The following GOLGA1 variants were observed in gnomAD, a reference collection of about 807,000 sequenced individuals.
GOLGA1 encodes the protein golgin A1.
GOLGA1 carries 63 observed loss-of-function variants against 119.7 expected under a neutral mutation model. The observed-to-expected ratio is 0.53, with a 90% confidence interval of 0.43 to 0.65. GOLGA1 has a LOEUF of 0.65. GOLGA1 is among the 30% of genes least tolerant of loss of function. The probability of loss-of-function intolerance (pLI) is 0.00; values close to 1 mark genes in which losing one functional copy is unlikely to be tolerated. For missense variants in GOLGA1, 798 were observed against 912.8 expected, an observed-to-expected ratio of 0.87 and a Z score of 1.62; for synonymous variants, 318 against 333.4, an observed-to-expected ratio of 0.95 and a Z score of 0.50.
chr9:124,923,349 CTGGCCTTG>C (rs1830608460), intron 7 of GOLGA1, 126 bp from the exon 8 acceptor site: 1 of 731,312 alleles, frequency 1.4e-6, no homozygotes, highest in African/African-American at 1.8e-5. Flanking sequence ...GTTGCCCAGG[CTGGCCTTG>C]AACTCCTGGG....
intron 11 of GOLGA1, among the ~76,000 whole-genome samples, chr9:124,909,685 T>C (rs907642283): frequency 6.6e-6 from 1 of 151,922 alleles, no homozygotes; most frequent in Non-Finnish European, 1.5e-5. Context: ...TCTCAGCTAG[T>C]TGCACAGATT....
At chr9:124,926,278 T>A (rs1399811538) in intron 7 of GOLGA1, among the ~76,000 whole-genome samples, 1 of 152,136 alleles carries the variant, frequency 6.6e-6, no homozygotes, top group Non-Finnish European at 1.5e-5. Flanking sequence ...AAGGTCCAAC[T>A]GAAGCTGTGA....
chr9:124,891,039 C>A (rs1327420802), intron 15 of GOLGA1, among the ~76,000 whole-genome samples: 5 of 152,160 alleles, frequency 3.3e-5, no homozygotes, highest in African/African-American at 1.2e-4. Context: ...GCCTGTAGTG[C>A]CAGCTACTCA....
intron 3 of GOLGA1, among the ~76,000 whole-genome samples, chr9:124,935,109 A>G (rs754102863): frequency 2.0e-4 from 31 of 152,310 alleles, no homozygotes; most frequent in East Asian, 1.9e-4. Flanking sequence ...TTTGTCCCAG[A>G]AAGAAAGGCA....
At position 124,882,546 on chromosome 9, in the gene GOLGA1, C is replaced by T; in HGVS notation, c.1929G>A (p.Arg643=). 2 of 1,612,750 alleles carry T rather than the reference C, an allele frequency of 1.2e-6. No individual in the cohort carries two copies. The highest frequency in any genetic ancestry group is 1.7e-6 in the Non-Finnish European group (2 of 1,179,778). ...GCAGAGTCTTCCGGAGCTCCAGCATCCGCTGCTGCATCTGCTTTATGGTCT... is the reference window on the plus strand; with the variant it reads ...GCAGAGTCTTCCGGAGCTCCAGCATTCGCTGCTGCATCTGCTTTATGGTCT... ...KNKTIKQMQQ[R]MLELRKTLQK... The change falls in exon 20 of 23, where the codon CGG becomes CGA. Residue 643 remains arginine (R), a synonymous_variant. Transcript: ENST00000373555.
rs1326692873 is a variant in GOLGA1, at chr9:124,881,034, C to T, written c.2223+137G>A. 5.9e-6 allele frequency: 4 copies of T among 676,798 alleles called. No homozygotes were observed. The highest frequency in any genetic ancestry group is 5.2e-5 in the South Asian group (3 of 57,354). The allele number at this position is 676,798 out of a possible 1,614,324, so 41.9% of individuals were successfully genotyped here. Reference sequence around the variant, plus strand: ...TAAAAAGTGCTTGGATCAAGTTCATCCAAAAGCAGCCAAGCTGATCATGCA... The same window carrying T: ...TAAAAAGTGCTTGGATCAAGTTCATTCAAAAGCAGCCAAGCTGATCATGCA... On this transcript the variant is annotated intron_variant, in intron 22 of 22. Transcript: ENST00000373555. This position sits in a 1 kb window ranked among gnomAD's most constrained non-coding sequence, Gnocchi z 4.9.
intron 17 of GOLGA1, 52 bp from the exon 18 acceptor site, chr9:124,889,355 G>C: frequency 6.2e-7 from 1 of 1,600,444 alleles, no homozygotes; most frequent in Non-Finnish European, 8.6e-7. Context: ...ACTCCATGCT[G>C]CTTGGTGGCA....
intron 15 of GOLGA1, among the ~76,000 whole-genome samples, chr9:124,890,854 G>A (rs1263756133): frequency 6.6e-6 from 1 of 151,792 alleles, no homozygotes; most frequent in African/African-American, 2.4e-5. Flanking sequence ...AATTGGTTAT[G>A]GAAAGAAGAA....
intron 19 of GOLGA1, among the ~76,000 whole-genome samples, chr9:124,886,248 G>A (rs535798318): frequency 6.6e-5 from 10 of 152,334 alleles, no homozygotes; most frequent in African/African-American, 2.2e-4. Context: ...GGCTGAGATC[G>A]CAGAGGAGGG....
chr9:124,908,569 A>G, intron 11 of GOLGA1, 97 bp from the exon 12 acceptor site: 2 of 745,306 alleles, frequency 2.7e-6, no homozygotes, highest in Non-Finnish European at 4.9e-6. Context: ...TGCTAGGCAC[A>G]AGAGACATGA....
chr9:124,931,595 AGAG>A (rs1194562696), intron 3 of GOLGA1, among the ~76,000 whole-genome samples, 189 bp from the exon 4 acceptor site: 1 of 152,320 alleles, frequency 6.6e-6, no homozygotes, highest in East Asian at 1.9e-4. Context: ...AGTGAAGGAG[AGAG>A]GAGATGCTAA....
intron 15 of GOLGA1, among the ~76,000 whole-genome samples, chr9:124,891,179 G>C (rs1159802439): frequency 1.3e-5 from 2 of 152,224 alleles, no homozygotes; most frequent in African/African-American, 4.8e-5. Flanking sequence ...TCCAAAGTCT[G>C]CCCTAGCGCC....
chr9:124,892,334 C>T (rs1189248729), intron 15 of GOLGA1, among the ~76,000 whole-genome samples: 1 of 152,154 alleles, frequency 6.6e-6, no homozygotes, highest in African/African-American at 2.4e-5. Context: ...CTTCTTCTGA[C>T]TTTTTGAGAT....
intron 11 of GOLGA1, among the ~76,000 whole-genome samples, chr9:124,909,499 T>C (rs1830298377): frequency 6.6e-6 from 1 of 150,566 alleles, no homozygotes; most frequent in South Asian, 2.1e-4. Flanking sequence ...TCCCAGCTAC[T>C]CGGGATGCTG....
rs568962018 is a variant in GOLGA1, at chr9:124,912,993, G to C, written c.844-967C>G. On this transcript the variant is annotated intron_variant, in intron 10 of 22. Transcript: ENST00000373555. Reference sequence around the variant, plus strand: ...ACCTGAGACTGAGTAATTTATAAAGGAAAGAGATTTAATTGACTCACAGTT... The same window carrying C: ...ACCTGAGACTGAGTAATTTATAAAGCAAAGAGATTTAATTGACTCACAGTT... Among the ~76,000 whole-genome samples, 5 of 152,302 alleles carry C rather than the reference G, an allele frequency of 3.3e-5. 1 individual carries two copies. Among genetic ancestry groups the C allele is most frequent in the African/African-American group, 1.2e-4 (5 of 41,568 alleles).
intron 12 of GOLGA1, among the ~76,000 whole-genome samples, chr9:124,901,419 C>T (rs827428): frequency 0.37 from 54,978 of 149,628 alleles, 10,767 homozygotes; most frequent in East Asian, 0.56. Flanking sequence ...TACAAGCGCA[C>T]GCCACCACGC....
At chr9:124,939,142 GTTTTT>G (rs78434694) in intron 2 of GOLGA1, among the ~76,000 whole-genome samples, 10 of 145,278 alleles carry the variant, frequency 6.9e-5, no homozygotes, top group African/African-American at 2.3e-4. Flanking sequence ...AAATCTCTAC[GTTTTT>G]TTTTTTTAAT....
chr9:124,923,781 G>A (rs77684042), intron 7 of GOLGA1, among the ~76,000 whole-genome samples: 5,609 of 152,034 alleles, frequency 0.037, 355 homozygotes, highest in African/African-American at 0.13. Context: ...ATCGTGCATG[G>A]CCTATGTAGA....
chr9:124,896,527 T>C (rs1829990290), intron 15 of GOLGA1, among the ~76,000 whole-genome samples: 1 of 152,266 alleles, frequency 6.6e-6, no homozygotes, highest in South Asian at 2.1e-4. Flanking sequence ...CCTAGATTCC[T>C]AAAAAGTCTC....
Sources: allele counts gnomAD v4.1 joint callset (sites outside exome capture counted in the v4.1 genomes callset), GRCh38; gene constraint gnomAD v4.1.1; non-coding constraint Gnocchi (gnomAD v3.1); transcripts MANE v1.5; gene names NCBI Gene and HGNC (gene_info 2026-07-23, HGNC 2026-07-21).